Variants in AK8 observed in about 807,000 individuals in gnomAD.
AK8 encodes the protein adenylate kinase 8.
Under a neutral mutation model 54.6 loss-of-function variants are expected in AK8, and 44 were observed. The ratio of observed to expected loss-of-function variants is 0.81; its 90% CI spans 0.63 to 1.04. The LOEUF is 1.04. AK8 is among the 50% of genes least tolerant of loss of function. AK8 has a pLI of 0.00. For missense variants in AK8, 555 were observed against 613.6 expected (o/e 0.90, Z 1.01); for synonymous variants, 239 against 245.6 (o/e 0.97, Z 0.25).
At chr9:132,775,732 A>G (rs28764201) in intron 11 of AK8, among the ~76,000 whole-genome samples, 81 of 152,170 alleles carry the variant, frequency 5.3e-4, no homozygotes, top group African/African-American at 1.8e-3. Flanking sequence ...CCATCTCTCC[A>G]TGGCTCCCTG....
chr9:132,870,257 G>A (rs1843758811), intron 2 of AK8, among the ~76,000 whole-genome samples: 1 of 152,168 alleles, frequency 6.6e-6, no homozygotes, highest in South Asian at 2.1e-4. Flanking sequence ...ACATTTATGT[G>A]ATTAATTTCA....
chr9:132,846,676 G>T (rs1449775785), intron 5 of AK8, among the ~76,000 whole-genome samples: 1 of 152,194 alleles, frequency 6.6e-6, no homozygotes, highest in Non-Finnish European at 1.5e-5. Flanking sequence ...GCCTGTGAAT[G>T]GCACAAAACA....
At chr9:132,873,837 G>A (rs980943519) in intron 2 of AK8, among the ~76,000 whole-genome samples, 8 of 152,128 alleles carry the variant, frequency 5.3e-5, no homozygotes, top group African/African-American at 1.9e-4. Flanking sequence ...AGGAGCGCAG[G>A]GTAGGCTTAA....
chr9:132,838,871 C>G (rs1842427491), intron 5 of AK8, among the ~76,000 whole-genome samples: 1 of 152,176 alleles, frequency 6.6e-6, no homozygotes. Context: ...GAAAATGCAT[C>G]ACAGTGTGAC....
intron 11 of AK8, among the ~76,000 whole-genome samples, chr9:132,788,506 T>C (rs955732674): frequency 1.1e-4 from 16 of 152,172 alleles, no homozygotes; most frequent in African/African-American, 3.4e-4. Flanking sequence ...AATGAACACA[T>C]AGCTGACAGA....
intron 11 of AK8, among the ~76,000 whole-genome samples, chr9:132,727,924 C>T (rs373199695): frequency 6.6e-6 from 1 of 152,188 alleles, no homozygotes; most frequent in Non-Finnish European, 1.5e-5. Context: ...CCTGCTGCCA[C>T]CTGACCAACC....
chr9:132,781,174 TC>T lies in AK8; in HGVS notation c.1121+11459del, dbSNP rs200238531. Among the ~76,000 whole-genome samples, 1 of 152,070 alleles carries T rather than the reference TC, an allele frequency of 6.6e-6. No individual in the cohort carries two copies. Among genetic ancestry groups the T allele is most frequent in the African/African-American group, 2.4e-5 (1 of 41,350 alleles). On this transcript the variant is annotated intron_variant, in intron 11 of 12. Coordinates refer to ENST00000298545, the MANE Select transcript of AK8 (RefSeq NM_152572.3). The surrounding 1 kb of genome is among the most constrained non-coding windows in gnomAD (Gnocchi z 4.6). ...TTCTTTCTTTGTTTCTTTCTTTCTT[TC>T]TTTTTTTTTACTATTATTATTACGT...
intron 10 of AK8, among the ~76,000 whole-genome samples, chr9:132,804,853 G>A (rs1441491488): frequency 6.6e-6 from 1 of 152,132 alleles, no homozygotes; most frequent in Non-Finnish European, 1.5e-5. Flanking sequence ...AGGCTGCAGA[G>A]GGTCACTGGG....
chr9:132,794,248 C>T (rs1840060214), intron 10 of AK8, among the ~76,000 whole-genome samples: 1 of 152,192 alleles, frequency 6.6e-6, no homozygotes, highest in Non-Finnish European at 1.5e-5. Context: ...TTCAGCGAAT[C>T]CCATCCCTTC....
At chr9:132,874,761 AGAGCT>A (rs1844013529) in intron 2 of AK8, among the ~76,000 whole-genome samples, 1 of 152,274 alleles carries the variant, frequency 6.6e-6, no homozygotes, top group African/African-American at 2.4e-5. Flanking sequence ...GAGTGATCAG[AGAGCT>A]GAAACCCAAC....
intron 9 of AK8, among the ~76,000 whole-genome samples, chr9:132,815,607 C>A (rs1000582609): frequency 1.3e-5 from 2 of 152,176 alleles, no homozygotes; most frequent in African/African-American, 4.8e-5. Context: ...AGTCACCTGG[C>A]CAGTGGCGGC....
chr9:132,802,735 G>A (rs1223913395), intron 10 of AK8, among the ~76,000 whole-genome samples: 2 of 152,148 alleles, frequency 1.3e-5, no homozygotes, highest in East Asian at 1.9e-4. Flanking sequence ...GTAAATCCCC[G>A]GGTGAGCCAG....
chr9:132,744,926 T>C (rs1017373103), intron 11 of AK8, among the ~76,000 whole-genome samples: 21 of 152,216 alleles, frequency 1.4e-4, no homozygotes, highest in African/African-American at 4.8e-5. Context: ...TTAAAGACGG[T>C]TGACAAGCCT....
In AK8 at chr9:132,852,169, T is replaced by C. The variant is rs548111724; in HGVS notation, c.402+2688A>G. 1.4e-4 allele frequency among the ~76,000 whole-genome samples: 22 copies of C among 152,248 alleles called. No individual in the cohort carries two copies. In the East Asian group the frequency reaches 4.2e-3, roughly 29 times the overall value. On this transcript the variant is annotated intron_variant, in intron 5 of 12. Transcript: ENST00000298545. ...TTCAATACAAATTATCACATGTGAC[T>C]GATAGAGAGTAAAAACAATAGGGGC...
chr9:132,741,169 G>T (rs1340262353), intron 11 of AK8, among the ~76,000 whole-genome samples: 1 of 152,202 alleles, frequency 6.6e-6, no homozygotes, highest in Non-Finnish European at 1.5e-5. Flanking sequence ...TCAGGTGCAG[G>T]TATGGGGCAC....
intron 2 of AK8, among the ~76,000 whole-genome samples, chr9:132,871,169 C>A (rs1361539541): frequency 1.3e-5 from 2 of 152,170 alleles, no homozygotes; most frequent in Admixed American, 6.5e-5. Flanking sequence ...TCACTTGAAC[C>A]TGGGAGGCGG....
chr9:132,726,061 A>T, intron 12 of AK8, 136 bp from the exon 13 acceptor site: 1 of 710,876 alleles, frequency 1.4e-6, no homozygotes, highest in Non-Finnish European at 2.4e-6. Context: ...ACTACTGTGT[A>T]CTGCTGTGTG....
chr9:132,878,377 C>T (rs979197696), upstream of AK8: 3 of 1,246,750 alleles, frequency 2.4e-6, no homozygotes, highest in East Asian at 3.2e-5. This position sits in a 1 kb window ranked among gnomAD's most constrained non-coding sequence, Gnocchi z 4.7. Flanking sequence ...GATACCCGAT[C>T]CTCGGTCGCG....
At position 132,761,460 on chromosome 9, in the gene AK8, G is replaced by A. The variant is rs1282638407; in HGVS notation, c.1121+31174C>T. Among the ~76,000 whole-genome samples the A allele has an allele frequency of 3.9e-5, 6 of 151,930 alleles. No individual in the cohort carries two copies. In the East Asian group the frequency reaches 5.8e-4, roughly 15 times the overall value. On this transcript the variant is annotated intron_variant, in intron 11 of 12. Coordinates refer to ENST00000298545, the MANE Select transcript of AK8 (RefSeq NM_152572.3). ...GTATTTTTAGTAGAGACAGGGTTTC[G>A]CCATGTTGGCAAGTCTGGTCTCAAA...
Sources: gnomAD v4.1 joint callset for allele counts (sites outside exome capture counted in the v4.1 genomes callset) on GRCh38, gnomAD v4.1.1 for gene constraint, Gnocchi (gnomAD v3.1) non-coding constraint, MANE v1.5 for transcripts, NCBI Gene and HGNC (gene_info 2026-07-23, HGNC 2026-07-21) for gene names.